EYA1: variants seen among roughly 807,000 people sequenced by gnomAD.
EYA1 encodes protein phosphatase EYA1.
A neutral mutation model predicts 82.0 loss-of-function variants in EYA1; 16 were observed. The ratio of observed to expected loss-of-function variants is 0.20; its 90% CI spans 0.13 to 0.30. EYA1 has a LOEUF of 0.30. Among genes scored for constraint, EYA1 ranks in the 10% least tolerant of loss-of-function variants. The pLI is 1.00. For synonymous variants in EYA1, 261 were observed against 264.4 expected, an observed-to-expected ratio of 0.99 and a Z score of 0.12; for missense variants, 633 against 730.7, an observed-to-expected ratio of 0.87 and a Z score of 1.54.
At chr8:71,503,302 G>T (rs187036181) in intron 2 of EYA1, among the ~76,000 whole-genome samples, 1 of 152,020 alleles carries the variant, frequency 6.6e-6, no homozygotes, top group Admixed American at 6.6e-5. Context: ...GAGAAACCCC[G>T]TCTCTACTAA....
upstream of EYA1, among the ~76,000 whole-genome samples, chr8:71,364,320 G>T (rs565676921): frequency 1.3e-5 from 2 of 151,902 alleles, no homozygotes; most frequent in South Asian, 4.2e-4. Flanking sequence ...ATTGTGTATG[G>T]TTACTACTTT....
chr8:71,312,284 C>A (rs2129016476), intron 7 of EYA1, among the ~76,000 whole-genome samples: 1 of 152,292 alleles, frequency 6.6e-6, no homozygotes, highest in East Asian at 1.9e-4. Context: ...TTAAAAGCCA[C>A]TCCTGTGAGC....
chr8:71,346,110 C>T (rs950650442), intron 3 of EYA1, among the ~76,000 whole-genome samples: 4 of 152,056 alleles, frequency 2.6e-5, no homozygotes, highest in African/African-American at 9.7e-5. Context: ...TGGCATGGCA[C>T]TCAATATTCT....
intron 2 of EYA1, among the ~76,000 whole-genome samples, chr8:71,492,887 T>A (rs2129226766): frequency 6.6e-6 from 1 of 152,340 alleles, no homozygotes; most frequent in South Asian, 2.1e-4. Flanking sequence ...ACCCATTAGT[T>A]GTGTTTCCTG....
chr8:71,381,321 C>T (rs1254417736), intron 2 of EYA1, among the ~76,000 whole-genome samples: 1 of 152,190 alleles, frequency 6.6e-6, no homozygotes, highest in Non-Finnish European at 1.5e-5. Context: ...TACTTTCAGA[C>T]AAATTTCGAT....
chr8:71,441,233 C>T (rs753435110), intron 2 of EYA1, among the ~76,000 whole-genome samples: 12 of 152,124 alleles, frequency 7.9e-5, no homozygotes, highest in African/African-American at 1.2e-4. Flanking sequence ...GAGTCACTTA[C>T]ATAAATAAGA....
chr8:71,429,158 A>C (rs755206132), intron 2 of EYA1, among the ~76,000 whole-genome samples: 1 of 152,198 alleles, frequency 6.6e-6, no homozygotes, highest in Non-Finnish European at 1.5e-5. Context: ...TCGTTTTCCA[A>C]ACATGACCTT....
At chr8:71,215,308 A>T in intron 16 of EYA1, 79 bp downstream of exon 16, 1 of 1,421,358 alleles carries the variant, frequency 7.0e-7, no homozygotes, top group Non-Finnish European at 9.9e-7. Context: ...CTGGAAAAAA[A>T]GTTTCATTTA....
At chr8:71,398,348 C>T (rs1010542424) in intron 2 of EYA1, among the ~76,000 whole-genome samples, 4 of 152,204 alleles carry the variant, frequency 2.6e-5, no homozygotes, top group Non-Finnish European at 4.4e-5. Flanking sequence ...CCAGGACCTG[C>T]GTTCCTTTGG....
chr8:71,486,596 GA>G (rs1810588722), intron 2 of EYA1, among the ~76,000 whole-genome samples: 5 of 152,256 alleles, frequency 3.3e-5, no homozygotes, highest in Admixed American at 2.0e-4. Context: ...CGAATCCAGA[GA>G]AAAAAGACCT....
intron 1 of EYA1, among the ~76,000 whole-genome samples, chr8:71,543,306 G>A (rs1228644735): frequency 6.6e-6 from 1 of 152,216 alleles, no homozygotes; most frequent in African/African-American, 2.4e-5. Context: ...GTTGGGGGGT[G>A]ATGAACTGCA....
chr8:71,221,112 A>AATT (rs1188688032), intron 12 of EYA1, among the ~76,000 whole-genome samples: 1 of 152,208 alleles, frequency 6.6e-6, no homozygotes, highest in African/African-American at 2.4e-5. Context: ...GAAGAATTAA[A>AATT]ATTATATTTT....
intron 9 of EYA1, among the ~76,000 whole-genome samples, chr8:71,272,939 G>A (rs1333471081): frequency 6.6e-6 from 1 of 152,178 alleles, no homozygotes; most frequent in Non-Finnish European, 1.5e-5. Flanking sequence ...TGTTTGAAGA[G>A]AACAACTGAA....
chr8:71,247,702 G>C (rs1390112614), intron 11 of EYA1, among the ~76,000 whole-genome samples: 1 of 152,168 alleles, frequency 6.6e-6, no homozygotes, highest in Non-Finnish European at 1.5e-5. Context: ...AGGAGTTTAA[G>C]TATCAGTAGG....
intron 1 of EYA1, among the ~76,000 whole-genome samples, chr8:71,360,803 GAAATA>G (rs759099858): frequency 4.6e-5 from 7 of 152,084 alleles, no homozygotes; most frequent in Non-Finnish European, 4.4e-5. Context: ...GCCATTTTAA[GAAATA>G]AAACAAAAAC....
At chr8:71,276,436 A>G (rs1396738927) in intron 9 of EYA1, among the ~76,000 whole-genome samples, 1 of 152,156 alleles carries the variant, frequency 6.6e-6, no homozygotes, top group African/African-American at 2.4e-5. Context: ...AGACCTCTCT[A>G]CCCAAGTATT....
At chr8:71,418,151 C>A (rs907129748) in intron 2 of EYA1, among the ~76,000 whole-genome samples, 1 of 152,162 alleles carries the variant, frequency 6.6e-6, no homozygotes, top group Admixed American at 6.5e-5. Flanking sequence ...TAAATGTGAT[C>A]CTCCCACTTT....
intron 7 of EYA1, among the ~76,000 whole-genome samples, chr8:71,312,861 T>A (rs10216468): frequency 1.3e-5 from 2 of 152,258 alleles, no homozygotes; most frequent in African/African-American, 4.8e-5. Flanking sequence ...TATTTTGTTG[T>A]ATGGGCACTA....
intron 2 of EYA1, among the ~76,000 whole-genome samples, chr8:71,533,334 T>G (rs1449527314): frequency 1.3e-5 from 2 of 151,908 alleles, no homozygotes; most frequent in Non-Finnish European, 2.9e-5. Flanking sequence ...GACGAGTAGG[T>G]GGGGGGAAGA....
Sources: gnomAD v4.1 joint callset for allele counts (sites outside exome capture counted in the v4.1 genomes callset) on GRCh38, gnomAD v4.1.1 for gene constraint, MANE v1.5 for transcripts, NCBI Gene and HGNC (gene_info 2026-07-23, HGNC 2026-07-21) for gene names.